Variants in RIC8A observed in about 807,000 individuals in gnomAD.
RIC8A encodes chaperone Ric-8A.
RIC8A carries 37 observed loss-of-function variants against 48.4 expected under a neutral mutation model. The observed-to-expected ratio is 0.77, with a 90% CI of 0.59 to 1.01. RIC8A has a LOEUF of 1.01. Among genes scored for constraint, RIC8A ranks in the 50% least tolerant of loss-of-function variants. The probability of loss-of-function intolerance (pLI) is 0.00; values close to 1 mark genes in which losing one functional copy is unlikely to be tolerated. For missense variants in RIC8A, 681 were observed against 696.8 expected (o/e 0.98, Z 0.25); for synonymous variants, 288 against 283.4 (o/e 1.02, Z -0.16).
rs1459428935 is a variant in RIC8A at position 212,602 on chromosome 11, G to T, written c.1066-13G>T. 1.2e-6 allele frequency: 2 copies of T among 1,613,618 alleles called. No homozygotes were observed. The highest frequency in any genetic ancestry group is 1.6e-4 in the Middle Eastern group (1 of 6,062). On this transcript the variant is annotated splice_polypyrimidine_tract_variant and intron_variant, in intron 6 of 9. Transcript: ENST00000526104. ...TGCTCTAAGCCCAAGCTTAGGGATG[G>T]CCACCTCCCCAGGTGCTGCCCCCTC...
In RIC8A at chr11:212,600, T is replaced by C. The variant is rs757564551; in HGVS notation, c.1066-15T>C. The C allele has an allele frequency of 5.0e-6, 8 of 1,613,768 alleles. No individual in the cohort carries two copies. Among genetic ancestry groups the C allele is most frequent in the South Asian group, 4.4e-5 (4 of 90,968 alleles). ...GCTGCTCTAAGCCCAAGCTTAGGGA[T>C]GGCCACCTCCCCAGGTGCTGCCCCC... is the stretch of plus-strand genomic sequence containing the variant. On this transcript the variant is annotated splice_polypyrimidine_tract_variant and intron_variant, in intron 6 of 9. Coordinates refer to ENST00000526104, the MANE Select transcript of RIC8A (RefSeq NM_001286134.2).
rs777999909 is a variant in RIC8A, at chr11:213,424, T to G, written c.1475+6T>G. The G allele has an allele frequency of 4.4e-6, 7 of 1,575,194 alleles. No homozygotes were observed. The South Asian group carries it at 8.1e-5, about 18-fold the overall frequency. ...ATGTTTGACAAGCTCTCCAGGTGTG[T>G]GGCATGAGGAGGAGGGGCCTGCAGC... On this transcript the variant is annotated splice_donor_region_variant and intron_variant, in intron 9 of 9. Transcript: ENST00000526104.
At position 208,239 on chromosome 11, in the gene RIC8A, T is replaced by G. The variant is rs1400162168; in HGVS notation, c.-616T>G. Reference sequence around the variant, plus strand: ...CCGGCTCACTTCCCACCGTCCGGTGTCAGCAAAAACAGCACTTCCTCACAG... The same window carrying G: ...CCGGCTCACTTCCCACCGTCCGGTGGCAGCAAAAACAGCACTTCCTCACAG... On this transcript the variant is annotated 5_prime_UTR_variant, in exon 1 of 10. Transcript: ENST00000526104. This position sits in a 1 kb window ranked among gnomAD's most constrained non-coding sequence, Gnocchi z 4.8. The G allele has an allele frequency of 6.6e-6, 1 of 152,340 alleles. No individual in the cohort carries two copies. Among genetic ancestry groups the G allele is most frequent in the African/African-American group, 2.4e-5 (1 of 41,398 alleles). The allele number at this position is 152,340 out of a possible 1,614,324, so 9.4% of individuals were successfully genotyped here.
chr11:214,591 G>C lies in RIC8A; in HGVS notation c.*241G>C. 1.7e-6 allele frequency: 1 copy of C among 597,308 alleles called. No homozygotes were observed. The highest frequency in any genetic ancestry group is 3.0e-5 in the East Asian group (1 of 32,936). 37.0% of individuals were successfully genotyped at this position (597,308 alleles called of 1,614,324 possible). ...AGGCTCAGCCTCGAATTCCACAGACGAAGTACTTTCTTTTGTCTGCGCCAA... is the reference window on the plus strand; with the variant it reads ...AGGCTCAGCCTCGAATTCCACAGACCAAGTACTTTCTTTTGTCTGCGCCAA... On this transcript the variant is annotated 3_prime_UTR_variant, in exon 10 of 10. Transcript: ENST00000526104.
rs1855250785 is a variant in RIC8A at position 208,657 on chromosome 11, G to C, written c.-198G>C. ...CCTCGACTCGGGTCTTAAAACCTCC[G>C]AGCCGCCAGTTCTGCCTCAGGCCGC... On this transcript the variant is annotated 5_prime_UTR_variant, in exon 1 of 10. Transcript: ENST00000526104. This position sits in a 1 kb window ranked among gnomAD's most constrained non-coding sequence, Gnocchi z 4.8. The C allele has an allele frequency of 8.2e-6, 4 of 485,606 alleles. No individual in the cohort carries two copies. The South Asian group carries it at 1.2e-4, about 15-fold the overall frequency. 30.1% of individuals were successfully genotyped at this position (485,606 alleles called of 1,614,324 possible).
At chr11:213,483 T>C (rs1855426062) in intron 9 of RIC8A, 65 bp downstream of exon 9, 2 of 1,544,962 alleles carry the variant, frequency 1.3e-6, no homozygotes, top group Admixed American at 2.0e-5. Flanking sequence ...CATCCTGTCT[T>C]GTGAGCCCCA....
Position 213,366 on chromosome 11 carries a change from C to G in RIC8A, c.1423C>G (p.Gln475Glu). The G allele has an allele frequency of 6.2e-7, 1 of 1,611,948 alleles. No homozygotes were observed. The highest frequency in any genetic ancestry group is 2.2e-5 in the East Asian group (1 of 44,820). The change falls in exon 9 of 10, where the codon CAG becomes GAG. Residue 475 changes from glutamine to glutamate, a missense_variant. Gln to Glu is a conservative substitution (Grantham distance 29). Coordinates refer to ENST00000526104, the MANE Select transcript of RIC8A (RefSeq NM_001286134.2). Reference protein sequence around the residue: ...PNPMEGMTEEQKEHEAMKLVT... With the variant: ...PNPMEGMTEEEKEHEAMKLVT... ...CCCTATGGAGGGCATGACAGAGGAG[C>G]AGAAGGAGCACGAGGCCATGAAGCT...
intron 5 of RIC8A, 86 bp from the exon 6 acceptor site, chr11:212,330 T>G: frequency 7.6e-7 from 1 of 1,309,482 alleles, no homozygotes; most frequent in Non-Finnish European, 1.1e-6. Flanking sequence ...TGTATGTTGG[T>G]GGGAAGGGGT....
rs1002508648 is a variant in RIC8A at position 212,631 on chromosome 11, G to T, written c.1082G>T (p.Arg361Leu). 6.2e-7 allele frequency: 1 copy of T among 1,614,034 alleles called. No homozygotes were observed. The highest frequency in any genetic ancestry group is 1.1e-5 in the South Asian group (1 of 91,050). ...CCTCCCCAGGTGCTGCCCCCTCTGC[G>T]GGATGTGAGGACACGGCCTGAGGTT... ...FLKAQVLPPL[R>L]DVRTRPEVGE... The change falls in exon 7 of 10, where the codon CGG becomes CTG. Residue 361 changes from arginine (R) to leucine (L), a missense_variant. Physicochemically the swap from Arg to Leu is moderately radical, Grantham distance 102. Coordinates refer to ENST00000526104, the MANE Select transcript of RIC8A (RefSeq NM_001286134.2).
chr11:210,757 A>G, intron 4 of RIC8A, 95 bp downstream of exon 4: 3 of 1,129,012 alleles, frequency 2.7e-6, no homozygotes, highest in Non-Finnish European at 2.7e-6. Flanking sequence ...CTGAGAGCCC[A>G]GGCCCCACCC....
At position 209,646 on chromosome 11, in the gene RIC8A, C is replaced by T. The variant is rs1855294758; in HGVS notation, c.372C>T (p.Leu124=). Residue 124 remains leucine (L), a synonymous_variant, in exon 3 of 10, where the codon CTC becomes CTT. Coordinates refer to ENST00000526104, the MANE Select transcript of RIC8A (RefSeq NM_001286134.2). ...VLESLKCLCN[L]VLSSPVAQML... ...AGTCCCTCAAGTGCCTGTGCAACCT[C>T]GTGCTCAGCAGCCCTGTGGCACAGA... 1.2e-6 allele frequency: 2 copies of T among 1,613,906 alleles called. No individual in the cohort carries two copies. The highest frequency in any genetic ancestry group is 1.7e-6 in the Non-Finnish European group (2 of 1,180,024).
At chr11:213,723 T>G (rs11246003) in intron 9 of RIC8A, 13,961 of 279,394 alleles carry the variant, frequency 0.05, 511 homozygotes, top group East Asian at 0.14. Flanking sequence ...GGCAGGTAGA[T>G]CACAAGGTCA....
Position 209,963 on chromosome 11 carries a change from A to G in RIC8A, c.689A>G (p.Asn230Ser), listed in dbSNP as rs768161124. 1.3e-5 allele frequency: 20 copies of G among 1,598,772 alleles called. No individual in the cohort carries two copies. Among genetic ancestry groups the G allele is most frequent in the African/African-American group, 6.7e-5 (5 of 74,888 alleles). ...ATGGAGATCCTCAAAGTGCTCTTCA[A>G]CATCACCCTGGACTCCATCAAGGGG... is the stretch of plus-strand genomic sequence containing the variant. ...RAMEILKVLF[N>S]ITLDSIKGEV... The change falls in exon 3 of 10, where the codon AAC becomes AGC. Residue 230 changes from asparagine to serine, a missense_variant. By Grantham distance (46) the Asn-to-Ser change is conservative. Coordinates refer to ENST00000526104, the MANE Select transcript of RIC8A (RefSeq NM_001286134.2).
In RIC8A at chr11:211,504, G is replaced by T. The variant is rs1470317948; in HGVS notation, c.969+155G>T. Reference sequence around the variant, plus strand: ...ACTCTTCCGGTTGTTCTGTGGTCCAGCCTGGCAAGAAGCCAGACCCTTCCT... The same window carrying T: ...ACTCTTCCGGTTGTTCTGTGGTCCATCCTGGCAAGAAGCCAGACCCTTCCT... On this transcript the variant is annotated intron_variant, in intron 5 of 9. Coordinates refer to ENST00000526104, the MANE Select transcript of RIC8A (RefSeq NM_001286134.2). The surrounding 1 kb of genome is among the most constrained non-coding windows in gnomAD (Gnocchi z 4.0). 5 of 795,482 alleles carry T rather than the reference G, an allele frequency of 6.3e-6. No homozygotes were observed. Among genetic ancestry groups the T allele is most frequent in the African/African-American group, 3.5e-5 (2 of 57,236 alleles). The allele number at this position is 795,482 out of a possible 1,614,324, so 49.3% of individuals were successfully genotyped here. A position where few individuals can be genotyped will look rare whatever the true frequency, so the allele number is the denominator to read the frequency against.
chr11:210,522 C>T (rs1855328473), intron 3 of RIC8A, 49 bp from the exon 4 acceptor site: 2 of 1,513,246 alleles, frequency 1.3e-6, no homozygotes, highest in Non-Finnish European at 1.8e-6. Flanking sequence ...CAGCAGGCAG[C>T]AGTGGGATGA....
rs759154358 is a variant in RIC8A, at chr11:212,934, A to G, written c.1308A>G (p.Ser436=). Residue 436 remains serine (S), a synonymous_variant, in exon 8 of 10, where the codon TCA becomes TCG. Coordinates refer to ENST00000526104, the MANE Select transcript of RIC8A (RefSeq NM_001286134.2). ...GAGGCCGGCCCGAGGGCCAGTACTC[A>G]GAGGATGAGGACACAGACACAGATG... ...MAGGRPEGQY[S]EDEDTDTDEY... 5.0e-6 allele frequency: 8 copies of G among 1,594,888 alleles called. No individual in the cohort carries two copies. Among genetic ancestry groups the G allele is most frequent in the Admixed American group, 3.5e-5 (2 of 57,500 alleles).
At chr11:209,117 G>T in intron 1 of RIC8A, 154 bp from the exon 2 acceptor site, 1 of 1,064,518 alleles carries the variant, frequency 9.4e-7, no homozygotes, top group Non-Finnish European at 1.5e-6. Context: ...TGCACCCGTT[G>T]GGTGGCAGGC....
At position 212,307 on chromosome 11, in the gene RIC8A, G is replaced by A. The variant is rs901217962; in HGVS notation, c.970-109G>A. 4.9e-5 allele frequency: 54 copies of A among 1,111,698 alleles called. 1 individual carries two copies. The South Asian group carries it at 7.3e-4, about 15-fold the overall frequency. The allele number at this position is 1,111,698 out of a possible 1,614,324, so 68.9% of individuals were successfully genotyped here. A position where few individuals can be genotyped will look rare whatever the true frequency, so the allele number is the denominator to read the frequency against. ...GCCTCTTCCCAAACCTCTGCCGCCA[G>A]GACCAGCTGTTGTGTATGTTGGTGG... On this transcript the variant is annotated intron_variant, in intron 5 of 9. Coordinates refer to ENST00000526104, the MANE Select transcript of RIC8A (RefSeq NM_001286134.2).
At chr11:210,919 CT>C in intron 4 of RIC8A, 1 of 603,312 alleles carries the variant, frequency 1.7e-6, no homozygotes, top group Non-Finnish European at 2.9e-6. Context: ...CTACCTGCCC[CT>C]AGGCTGGTCT....
Sources: allele counts gnomAD v4.1 joint callset, GRCh38; gene constraint gnomAD v4.1.1; non-coding constraint Gnocchi (gnomAD v3.1); transcripts MANE v1.5; gene names NCBI Gene and HGNC (gene_info 2026-07-23, HGNC 2026-07-21).